Variants in PCDHGB6 observed in about 807,000 individuals in gnomAD.
PCDHGB6 encodes protocadherin gamma subfamily B, 6.
In PCDHGB6, 51 loss-of-function variants were observed where a neutral mutation model predicts 59.1. The observed-to-expected ratio is 0.86, with a 90% CI of 0.69 to 1.09. The LOEUF is 1.09. Ranked by LOEUF, PCDHGB6 falls within the 50% of genes least tolerant of loss-of-function variation. The probability of loss-of-function intolerance (pLI) is 0.00; values close to 1 mark genes in which losing one functional copy is unlikely to be tolerated. For synonymous variants in PCDHGB6, 466 were observed against 495.1 expected (o/e 0.94, Z 0.78); for missense variants, 1,148 against 1,205.1 (o/e 0.95, Z 0.70).
At chr5:141,413,086 A>T in intron 1 of PCDHGB6, 1 of 1,344,152 alleles carries the variant, frequency 7.4e-7, no homozygotes, top group Non-Finnish European at 1.0e-6. Flanking sequence ...GGCTACAGAG[A>T]CACCCTGAAG....
At chr5:141,438,633 TATACACACAC>T (rs1369232099) in intron 1 of PCDHGB6, among the ~76,000 whole-genome samples, 454 of 33,892 alleles carry the variant, frequency 0.013, 1 homozygote, top group Non-Finnish European at 0.019. Flanking sequence ...TATATATATA[TATACACACAC>T]ACACACACAT....
Position 141,477,932 on chromosome 5 carries a change from C to T in PCDHGB6, c.2419-16875C>T. 1 of 1,614,158 alleles carries T rather than the reference C, an allele frequency of 6.2e-7. No homozygotes were observed. The highest frequency in any genetic ancestry group is 8.5e-7 in the Non-Finnish European group (1 of 1,180,034). ...CGCGGATGCAGGGCACAATGCCTGGCTCTCCTACAGTCTCTTGGGATCCCC... is the reference window on the plus strand; with the variant it reads ...CGCGGATGCAGGGCACAATGCCTGGTTCTCCTACAGTCTCTTGGGATCCCC... On this transcript the variant is annotated intron_variant, in intron 1 of 3. Coordinates refer to ENST00000520790, the MANE Select transcript of PCDHGB6 (RefSeq NM_018926.3). This position sits in a 1 kb window ranked among gnomAD's most constrained non-coding sequence, Gnocchi z 4.9.
At chr5:141,446,461 A>G (rs1273508266) in intron 1 of PCDHGB6, among the ~76,000 whole-genome samples, 1 of 151,298 alleles carries the variant, frequency 6.6e-6, no homozygotes, top group Non-Finnish European at 1.5e-5. Flanking sequence ...TCAGTGTGTG[A>G]TTAGACATAT....
At chr5:141,419,762 A>G in intron 1 of PCDHGB6, 1 of 1,614,008 alleles carries the variant, frequency 6.2e-7, no homozygotes, top group Non-Finnish European at 8.5e-7. Context: ...TTTGGGTGAC[A>G]AGGACTCGGT....
At chr5:141,428,188 G>C (rs1023078587) in intron 1 of PCDHGB6, 1 of 1,433,232 alleles carries the variant, frequency 7.0e-7, no homozygotes, top group African/African-American at 1.4e-5. Flanking sequence ...GACAGCCGCC[G>C]CTCTCTGCGC....
At chr5:141,453,319 G>T (rs2098762311) in intron 1 of PCDHGB6, among the ~76,000 whole-genome samples, 1 of 151,492 alleles carries the variant, frequency 6.6e-6, no homozygotes, top group Admixed American at 6.6e-5. Flanking sequence ...TTATTTTAGA[G>T]ATGGGGTCTC....
intron 2 of PCDHGB6, among the ~76,000 whole-genome samples, chr5:141,501,728 C>A (rs1284130771): frequency 1.3e-5 from 2 of 152,134 alleles, no homozygotes; most frequent in East Asian, 1.9e-4. Flanking sequence ...ATATATTACC[C>A]AGTCAGCTTA....
intron 1 of PCDHGB6, among the ~76,000 whole-genome samples, chr5:141,455,808 A>G (rs2098832210): frequency 6.6e-6 from 1 of 152,050 alleles, no homozygotes; most frequent in Non-Finnish European, 1.5e-5. Flanking sequence ...TAAAAAATGA[A>G]AACTTCCCAA....
rs1180919465 is a variant in PCDHGB6 at position 141,410,681 on chromosome 5, G to A, written c.2418+61G>A. On this transcript the variant is annotated intron_variant, in intron 1 of 3. Coordinates refer to ENST00000520790, the MANE Select transcript of PCDHGB6 (RefSeq NM_018926.3). ...AGTCTACTAGTTTCTCATATTTTAG[G>A]CATACTACTTTATTTTCATATCTAG... The A allele has an allele frequency of 3.9e-6, 6 of 1,535,084 alleles. No homozygotes were observed. The East Asian group carries it at 1.4e-4, about 35-fold the overall frequency.
intron 1 of PCDHGB6, among the ~76,000 whole-genome samples, chr5:141,420,713 G>GT (rs1303648273): frequency 3.3e-5 from 5 of 152,078 alleles, no homozygotes; most frequent in African/African-American, 1.2e-4. Context: ...CAGAAATGTC[G>GT]TTCCTTTCAG....
At chr5:141,414,812 T>C (rs1389980970) in intron 1 of PCDHGB6, 1 of 1,614,172 alleles carries the variant, frequency 6.2e-7, no homozygotes, top group South Asian at 1.1e-5. Flanking sequence ...GATCCTCCAC[T>C]CAGCAGCAAC....
At chr5:141,472,412 G>C (rs1283620276) in intron 1 of PCDHGB6, among the ~76,000 whole-genome samples, 1 of 152,058 alleles carries the variant, frequency 6.6e-6, no homozygotes, top group Non-Finnish European at 1.5e-5. Context: ...GTGGTGGCAC[G>C]CACCTGTATC....
In PCDHGB6 at chr5:141,463,518, G is replaced by A. The variant is rs537466389; in HGVS notation, c.2419-31289G>A. 5.7e-5 allele frequency among the ~76,000 whole-genome samples: 8 copies of A among 139,140 alleles called. No individual in the cohort carries two copies. The East Asian group carries it at 1.3e-3, about 22-fold the overall frequency. The allele number at this position is 139,140 out of a possible 152,430, so 91.3% of individuals were successfully genotyped here. On this transcript the variant is annotated intron_variant, in intron 1 of 3. Coordinates refer to ENST00000520790, the MANE Select transcript of PCDHGB6 (RefSeq NM_018926.3). The stretch of plus-strand genomic sequence containing the variant: ...GGCTGGAGTGACGTGGCGTGATCTC[G>A]GCTTACTAGAAACTCCGGCTCCCGG...
chr5:141,422,809 G>A (rs1169197801), intron 1 of PCDHGB6: 8 of 1,614,232 alleles, frequency 5.0e-6, no homozygotes, highest in Non-Finnish European at 6.8e-6. Context: ...GCAGTTTCGA[G>A]ACTTAGAACT....
chr5:141,462,656 A>G (rs1427673992), intron 1 of PCDHGB6, among the ~76,000 whole-genome samples: 2 of 151,950 alleles, frequency 1.3e-5, no homozygotes, highest in African/African-American at 4.8e-5. Context: ...ATCCTCAATT[A>G]TCTTCATATT....
Position 141,491,758 on chromosome 5 carries a change from C to A in PCDHGB6, c.2419-3049C>A. The stretch of plus-strand genomic sequence containing the variant: ...TGGGGGCGGCACTGGAGAAGCCGCC[C>A]GTCCTCATAAGGGATTGAACTTGCA... On this transcript the variant is annotated intron_variant, in intron 1 of 3. Coordinates refer to ENST00000520790, the MANE Select transcript of PCDHGB6 (RefSeq NM_018926.3). This position sits in a 1 kb window ranked among gnomAD's most constrained non-coding sequence, Gnocchi z 6.9. 6.3e-7 allele frequency: 1 copy of A among 1,578,788 alleles called. No homozygotes were observed. Among genetic ancestry groups the A allele is most frequent in the Non-Finnish European group, 8.6e-7 (1 of 1,163,522 alleles).
At position 141,490,370 on chromosome 5, in the gene PCDHGB6, G is replaced by A. The variant is rs768474199; in HGVS notation, c.2419-4437G>A. Reference sequence around the variant, plus strand: ...GTGGGGTTGTTTAATGTGCGAGACCGGGACTCAGGTAGAAATGGTGAAGTG... The same window carrying A: ...GTGGGGTTGTTTAATGTGCGAGACCAGGACTCAGGTAGAAATGGTGAAGTG... On this transcript the variant is annotated intron_variant, in intron 1 of 3. Coordinates refer to ENST00000520790, the MANE Select transcript of PCDHGB6 (RefSeq NM_018926.3). The surrounding 1 kb of genome is among the most constrained non-coding windows in gnomAD (Gnocchi z 5.4). 32 of 1,614,054 alleles carry A rather than the reference G, an allele frequency of 2.0e-5. No homozygotes were observed. The highest frequency in any genetic ancestry group is 1.0e-4 in the Admixed American group (6 of 60,006).
chr5:141,490,641 G>A lies in PCDHGB6; in HGVS notation c.2419-4166G>A. 3 of 1,614,160 alleles carry A rather than the reference G, an allele frequency of 1.9e-6. No homozygotes were observed. On this transcript the variant is annotated intron_variant, in intron 1 of 3. Transcript: ENST00000520790. This position sits in a 1 kb window ranked among gnomAD's most constrained non-coding sequence, Gnocchi z 5.4. Reference sequence around the variant, plus strand: ...ACACTGCTTACATCCTAGAAAACCGGCCTCCGGGCTCCCTTCTTTGCACTG... The same window carrying A: ...ACACTGCTTACATCCTAGAAAACCGACCTCCGGGCTCCCTTCTTTGCACTG...
chr5:141,414,243 A>G (rs2154544977), intron 1 of PCDHGB6: 1 of 1,613,556 alleles, frequency 6.2e-7, no homozygotes. Context: ...TCACGTCTCT[A>G]TTTAGTCCAG....
Sources: gnomAD v4.1 joint callset for allele counts (sites outside exome capture counted in the v4.1 genomes callset) on GRCh38, gnomAD v4.1.1 for gene constraint, Gnocchi (gnomAD v3.1) non-coding constraint, MANE v1.5 for transcripts, NCBI Gene and HGNC (gene_info 2026-07-23, HGNC 2026-07-21) for gene names.